Variants in GPX6 observed in about 807,000 individuals in gnomAD.
GPX6 encodes the protein glutathione peroxidase 6.
GPX6 carries 21 observed loss-of-function variants against 20.0 expected under a neutral mutation model. The ratio of observed to expected loss-of-function variants is 1.05; its 90% CI spans 0.74 to 1.51. The LOEUF is 1.51. Among genes scored for constraint, GPX6 ranks in the 40% most tolerant of loss-of-function variants. GPX6 has a pLI of 0.00. For missense variants in GPX6, 233 were observed against 254.7 expected (o/e 0.91, Z 0.58); for synonymous variants, 75 against 98.0 (o/e 0.77, Z 1.38).
intron 2 of GPX6, among the ~76,000 whole-genome samples, chr6:28,507,526 A>G (rs545255958): frequency 3.3e-5 from 5 of 152,354 alleles, no homozygotes; most frequent in Admixed American, 6.5e-5. Flanking sequence ...CAGCAACACA[A>G]TGGAATACTA....
Position 28,510,769 on chromosome 6 carries a change from A to C in GPX6, c.223T>G (p.Leu75Val). Residue 75 changes from leucine to valine, a missense_variant, in exon 2 of 5, where the codon TTG (leucine) becomes GTG (valine). Leu to Val is a conservative substitution (Grantham distance 32, BLOSUM62 1). Transcript: ENST00000361902. ...TTCTTACCAGGATACTGAGCTGCCA[A>C]GCCTCAATAGGCGGCCACATTGACA... is the stretch of plus-strand genomic sequence containing the variant. ...LFVNVAAYUG[L>V]AAQYPELNAL... 1.2e-6 allele frequency: 2 copies of C among 1,613,940 alleles called. No individual in the cohort carries two copies. Among genetic ancestry groups the C allele is most frequent in the South Asian group, 1.1e-5 (1 of 91,062 alleles).
intron 3 of GPX6, among the ~76,000 whole-genome samples, chr6:28,506,031 T>C (rs1486899347): frequency 6.6e-6 from 1 of 152,220 alleles, no homozygotes; most frequent in Non-Finnish European, 1.5e-5. Context: ...AGCTTAGGTT[T>C]CCTGCTTCAC....
In GPX6 at chr6:28,504,489, G is replaced by C. The variant is rs35658392; in HGVS notation, c.469C>G (p.Pro157Ala). Residue 157 changes from proline (P) to alanine (A), a missense_variant, in exon 5 of 5, where the codon CCT (proline) becomes GCT (alanine). By Grantham distance (27) the Pro-to-Ala change is conservative (BLOSUM62 -1). Transcript: ENST00000361902. ...KVFTFLKNSC[P>A]PTSDLLGSSS... ...GAGCCCAAAAGATCAGAGGTCGGAG[G>C]GCAGGAGTTCTGGAGCAGAGATATA... is the stretch of plus-strand genomic sequence containing the variant. The C allele has an allele frequency of 6.2e-7, 1 of 1,613,776 alleles. No individual in the cohort carries two copies. Among genetic ancestry groups the C allele is most frequent in the Non-Finnish European group, 8.5e-7 (1 of 1,179,886 alleles).
intron 1 of GPX6, among the ~76,000 whole-genome samples, chr6:28,515,453 T>G (rs1307612826): frequency 6.6e-6 from 1 of 152,178 alleles, no homozygotes; most frequent in Non-Finnish European, 1.5e-5. Flanking sequence ...AAAGAGCTAC[T>G]AGGTGCAGAG....
At chr6:28,511,609 G>C (rs968646385) in intron 1 of GPX6, among the ~76,000 whole-genome samples, 1 of 152,266 alleles carries the variant, frequency 6.6e-6, no homozygotes, top group Non-Finnish European at 1.5e-5. Context: ...CACATCAGCG[G>C]AGGAACACAC....
chr6:28,507,712 G>A (rs529688561), intron 2 of GPX6, among the ~76,000 whole-genome samples: 1 of 152,294 alleles, frequency 6.6e-6, no homozygotes, highest in Admixed American at 6.5e-5. Context: ...TTACAGGCAT[G>A]TGCCACCATG....
At chr6:28,511,598 G>A (rs1193605163) in intron 1 of GPX6, among the ~76,000 whole-genome samples, 2 of 152,390 alleles carry the variant, frequency 1.3e-5, no homozygotes, top group Non-Finnish European at 2.9e-5. Context: ...GTGGAGAGAA[G>A]CACATCAGCG....
intron 4 of GPX6, 94 bp from the exon 5 acceptor site, chr6:28,504,592 T>C (rs1044002240): frequency 9.5e-7 from 1 of 1,054,066 alleles, no homozygotes; most frequent in Admixed American, 2.4e-5. Flanking sequence ...CTAGAGAGTC[T>C]ACTCACCATT....
chr6:28,512,910 A>T lies in GPX6; in HGVS notation c.88-2006T>A, dbSNP rs573461718. ...GCTTCACTCTTGAGCCAGCAAGACCACAAACCCGCCAGAAGGAACAAACTC... is the reference window on the plus strand; with the variant it reads ...GCTTCACTCTTGAGCCAGCAAGACCTCAAACCCGCCAGAAGGAACAAACTC... On this transcript the variant is annotated intron_variant, in intron 1 of 4. Transcript: ENST00000361902. 2.1e-4 allele frequency among the ~76,000 whole-genome samples: 32 copies of T among 152,274 alleles called. No individual in the cohort carries two copies. In the South Asian group the frequency reaches 2.5e-3, roughly 12 times the overall value.
intron 2 of GPX6, among the ~76,000 whole-genome samples, chr6:28,509,223 A>C (rs1762836816): frequency 6.6e-6 from 1 of 152,156 alleles, no homozygotes; most frequent in Non-Finnish European, 1.5e-5. Flanking sequence ...TTTTCTTAAA[A>C]CTTGTTTTTG....
At chr6:28,506,706 A>AACACACACACACACACACACACACAC (rs56155284) in intron 2 of GPX6, among the ~76,000 whole-genome samples, 1 of 145,098 alleles carries the variant, frequency 6.9e-6, no homozygotes, top group African/African-American at 2.6e-5. Context: ...TTTTTTTTTA[A>AACACACACACACACACACACACACAC]ACACACACAC....
At chr6:28,511,223 G>A (rs1562000337) in intron 1 of GPX6, among the ~76,000 whole-genome samples, 1 of 152,188 alleles carries the variant, frequency 6.6e-6, no homozygotes, top group East Asian at 1.9e-4. Flanking sequence ...CTCCGTTCAA[G>A]TCATGCCGTC....
chr6:28,504,116 A>G lies in GPX6; in HGVS notation c.*176T>C, dbSNP rs754448374. ...CATATCCATACACACACACACACAC[A>G]CACACACAGCTACACACACATGCTA... On this transcript the variant is annotated 3_prime_UTR_variant, in exon 5 of 5. Transcript: ENST00000361902. 6 of 616,080 alleles carry G rather than the reference A, an allele frequency of 9.7e-6. No individual in the cohort carries two copies. The highest frequency in any genetic ancestry group is 1.7e-5 in the Non-Finnish European group (6 of 345,594). 38.2% of individuals were successfully genotyped at this position (616,080 alleles called of 1,614,324 possible).
At chr6:28,507,563 C>G (rs1436333250) in intron 2 of GPX6, among the ~76,000 whole-genome samples, 1 of 152,138 alleles carries the variant, frequency 6.6e-6, no homozygotes, top group Non-Finnish European at 1.5e-5. Context: ...AGGAAGCTCA[C>G]CATGTTTTTT....
intron 1 of GPX6, among the ~76,000 whole-genome samples, chr6:28,511,831 G>C (rs1473274239): frequency 6.6e-6 from 1 of 152,272 alleles, no homozygotes; most frequent in Non-Finnish European, 1.5e-5. Context: ...CTTCCGAGGA[G>C]TTGTGGAGGG....
At chr6:28,509,937 G>A (rs1762844692) in intron 2 of GPX6, among the ~76,000 whole-genome samples, 1 of 152,178 alleles carries the variant, frequency 6.6e-6, no homozygotes, top group Non-Finnish European at 1.5e-5. Context: ...GCATTTTCCA[G>A]AATATCAAAG....
At chr6:28,513,660 T>A (rs1018403994) in intron 1 of GPX6, among the ~76,000 whole-genome samples, 1 of 152,158 alleles carries the variant, frequency 6.6e-6, no homozygotes, top group African/African-American at 2.4e-5. Flanking sequence ...ATAAAAGGCA[T>A]ACAGAACCTG....
chr6:28,504,644 A>G (rs1762790416), intron 4 of GPX6, 146 bp from the exon 5 acceptor site: 1 of 675,240 alleles, frequency 1.5e-6, no homozygotes, highest in Admixed American at 2.8e-5. Context: ...CTTCCAATCA[A>G]CCACAGACAC....
At chr6:28,512,721 C>G (rs544676486) in intron 1 of GPX6, among the ~76,000 whole-genome samples, 1 of 152,346 alleles carries the variant, frequency 6.6e-6, no homozygotes, top group African/African-American at 2.4e-5. Context: ...GGGGTCCACA[C>G]TGCCTTTACA....
Sources: gnomAD v4.1 joint callset for allele counts (sites outside exome capture counted in the v4.1 genomes callset) on GRCh38, gnomAD v4.1.1 for gene constraint, MANE v1.5 for transcripts, NCBI Gene and HGNC (gene_info 2026-07-23, HGNC 2026-07-21) for gene names.